CNNM2: variants seen among roughly 807,000 people sequenced by gnomAD.
CNNM2 encodes the protein metal transporter CNNM2.
Under a neutral mutation model 66.9 loss-of-function variants are expected in CNNM2, and 12 were observed. The ratio of observed to expected loss-of-function variants is 0.18; its 90% CI spans 0.11 to 0.29. The LOEUF (loss-of-function observed/expected upper bound fraction) is 0.29, where lower values mean the gene tolerates loss of function less well. CNNM2 is among the 10% of genes least tolerant of loss of function. The probability of loss-of-function intolerance (pLI) is 1.00; values close to 1 mark genes in which losing one functional copy is unlikely to be tolerated. For synonymous variants in CNNM2, 557 were observed against 501.8 expected (o/e 1.11, Z -1.47); for missense variants, 705 against 1,167.7 (o/e 0.60, Z 5.77).
rs2066323251 is a variant in CNNM2 at position 103,090,073 on chromosome 10, G to C, written c.*12893G>C. 3.9e-6 allele frequency: 2 copies of C among 510,948 alleles called. No homozygotes were observed. Among genetic ancestry groups the C allele is most frequent in the Non-Finnish European group, 6.7e-6 (2 of 298,966 alleles). 31.7% of individuals were successfully genotyped at this position (510,948 alleles called of 1,614,324 possible). ...TTCATAGAACTACTTATAGTTGCCT[G>C]TCTTCCTCTCTCCCTGCCCCTCAAA... On this transcript the variant is annotated 3_prime_UTR_variant, in exon 8 of 8. Transcript: ENST00000369878.
At chr10:103,036,581 A>G (rs1486108334) in intron 1 of CNNM2, among the ~76,000 whole-genome samples, 1 of 152,154 alleles carries the variant, frequency 6.6e-6, no homozygotes, top group African/African-American at 2.4e-5. Context: ...CGTTTATCAA[A>G]TCGAGGTGGG....
chr10:103,042,131 G>C (rs1314233562), intron 1 of CNNM2, among the ~76,000 whole-genome samples: 1 of 152,052 alleles, frequency 6.6e-6, no homozygotes, highest in Admixed American at 6.5e-5. Flanking sequence ...TCCTCTCATT[G>C]CTCAGGCCAA....
At chr10:103,021,891 A>G (rs1349060308) in intron 1 of CNNM2, among the ~76,000 whole-genome samples, 1 of 152,206 alleles carries the variant, frequency 6.6e-6, no homozygotes, top group Non-Finnish European at 1.5e-5. Context: ...ATATGTGTGT[A>G]TGTATATGTA....
chr10:102,974,019 A>G lies in CNNM2; in HGVS notation c.1621+53918A>G, dbSNP rs548252421. 3.9e-5 allele frequency among the ~76,000 whole-genome samples: 6 copies of G among 152,306 alleles called. 1 individual carries two copies. The South Asian group carries it at 1.0e-3, about 26-fold the overall frequency. The stretch of plus-strand genomic sequence containing the variant: ...AGATAACTATTGACAAAGAACAGGG[A>G]AGTTTTTTTGGAACTCTGGGGTTTT... On this transcript the variant is annotated intron_variant, in intron 1 of 7. Coordinates refer to ENST00000369878, the MANE Select transcript of CNNM2 (RefSeq NM_017649.5).
chr10:103,051,948 C>T (rs755213174), intron 2 of CNNM2, among the ~76,000 whole-genome samples: 2 of 152,028 alleles, frequency 1.3e-5, no homozygotes, highest in East Asian at 1.9e-4. Context: ...TGTACGTTTA[C>T]GTTCTTTTCA....
chr10:102,952,264 A>T (rs184106896), intron 1 of CNNM2, among the ~76,000 whole-genome samples: 28 of 152,074 alleles, frequency 1.8e-4, no homozygotes, highest in Admixed American at 7.2e-4. Context: ...ATAATATTTT[A>T]AAAATGTTAA....
At chr10:103,059,118 C>T (rs955340362) in intron 4 of CNNM2, among the ~76,000 whole-genome samples, 2 of 152,124 alleles carry the variant, frequency 1.3e-5, no homozygotes, top group Admixed American at 6.5e-5. Context: ...GGACTACAGG[C>T]GTGCTCCACC....
rs796820724 is a variant in CNNM2 at position 103,080,574 on chromosome 10, G to C, written c.*3394G>C. ...GCAGGGAGTTCAATGCCATGTTGAA[G>C]TGGTTGGCATCCCCAAGTGGGAGGG... is the stretch of plus-strand genomic sequence containing the variant. On this transcript the variant is annotated 3_prime_UTR_variant, in exon 8 of 8. Transcript: ENST00000369878. 1 of 152,114 alleles carries C rather than the reference G, an allele frequency of 6.6e-6. No individual in the cohort carries two copies. The highest frequency in any genetic ancestry group is 2.1e-4 in the South Asian group (1 of 4,826). 9.4% of individuals were successfully genotyped at this position (152,114 alleles called of 1,614,324 possible).
At chr10:103,057,001 G>A in intron 4 of CNNM2, 37 bp downstream of exon 4, 1 of 1,582,318 alleles carries the variant, frequency 6.3e-7, no homozygotes, top group Admixed American at 1.8e-5. Context: ...TGCTCTCACT[G>A]AGTATCCATC....
At chr10:102,929,716 A>G (rs2134164910) in intron 1 of CNNM2, among the ~76,000 whole-genome samples, 1 of 152,336 alleles carries the variant, frequency 6.6e-6, no homozygotes, top group South Asian at 2.1e-4. Flanking sequence ...ATCCGTTGAT[A>G]GACATTTAGA....
At chr10:103,022,855 G>GT (rs1469167912) in intron 1 of CNNM2, among the ~76,000 whole-genome samples, 2 of 152,198 alleles carry the variant, frequency 1.3e-5, no homozygotes, top group African/African-American at 4.8e-5. Flanking sequence ...GGGAGCAGAT[G>GT]TATCACATGG....
rs561197479 is a variant in CNNM2, at chr10:103,062,996, G to T, written c.2074-5633G>T. On this transcript the variant is annotated intron_variant, in intron 4 of 7. Coordinates refer to ENST00000369878, the MANE Select transcript of CNNM2 (RefSeq NM_017649.5). ...ATGCTGCGTTACCAGCAAGCTCCCAGTTGACAGTAGCAAGGCTTAGCTGTG... is the reference window on the plus strand; with the variant it reads ...ATGCTGCGTTACCAGCAAGCTCCCATTTGACAGTAGCAAGGCTTAGCTGTG... Among the ~76,000 whole-genome samples the T allele has an allele frequency of 2.0e-5, 3 of 152,330 alleles. No homozygotes were observed. The South Asian group carries it at 6.2e-4, about 32-fold the overall frequency.
Position 102,918,842 on chromosome 10 carries a change from C to G in CNNM2, c.362C>G (p.Thr121Ser). The change falls in exon 1 of 8, where the codon ACC becomes AGC. Residue 121 changes from threonine (T) to serine (S), a missense_variant. This residue lies in a region of CNNM2 where 15 missense variants were observed against 58.1 expected (regional missense o/e 0.26). Coordinates refer to ENST00000369878, the MANE Select transcript of CNNM2 (RefSeq NM_017649.5). This position sits in a 1 kb window ranked among gnomAD's most constrained non-coding sequence, Gnocchi z 4.1. ...NNETWSRIAFTEHERRRHSPG... is the reference protein window; with the variant it reads ...NNETWSRIAFSEHERRRHSPG... ...GAGACGTGGTCCCGCATCGCCTTCA[C>G]CGAGCACGAGCGGCGGCGCCACAGC... The G allele has an allele frequency of 1.3e-6, 2 of 1,587,942 alleles. No homozygotes were observed. The highest frequency in any genetic ancestry group is 1.1e-5 in the South Asian group (1 of 88,082).
intron 1 of CNNM2, among the ~76,000 whole-genome samples, chr10:102,984,662 C>T (rs2063768516): frequency 6.6e-6 from 1 of 152,036 alleles, no homozygotes. Flanking sequence ...CTTGTCCTTA[C>T]TTCTATCTTA....
Position 103,082,294 on chromosome 10 carries a change from T to C in CNNM2, c.*5114T>C, listed in dbSNP as rs2065764354. On this transcript the variant is annotated 3_prime_UTR_variant, in exon 8 of 8. Transcript: ENST00000369878. ...TTGGGGGCCAGATTTGGCTGCAGAT[T>C]CACCCTGAAGAGAACTATCCAATGG... 6.6e-6 allele frequency: 1 copy of C among 152,238 alleles called. No individual in the cohort carries two copies. The highest frequency in any genetic ancestry group is 2.4e-5 in the African/African-American group (1 of 41,448). 9.4% of individuals were successfully genotyped at this position (152,238 alleles called of 1,614,324 possible).
At position 103,077,416 on chromosome 10, in the gene CNNM2, C is replaced by A. The variant is rs2065709770; in HGVS notation, c.*236C>A. On this transcript the variant is annotated 3_prime_UTR_variant, in exon 8 of 8. Transcript: ENST00000369878. ...TGGCGTTCAAGATTTTGGAGATGAA[C>A]TGATTCCGCCCAAATAGAATCATGT... The A allele has an allele frequency of 1.8e-5, 9 of 499,726 alleles. No homozygotes were observed. In the South Asian group the frequency reaches 3.3e-4, roughly 18 times the overall value. The allele number at this position is 499,726 out of a possible 1,614,324, so 31.0% of individuals were successfully genotyped here.
chr10:103,009,212 T>C (rs892179400), intron 1 of CNNM2, among the ~76,000 whole-genome samples: 1 of 151,422 alleles, frequency 6.6e-6, no homozygotes, highest in Non-Finnish European at 1.5e-5. Flanking sequence ...GAGGCGGAGG[T>C]TGTGCTGGGC....
rs2065791629 is a variant in CNNM2 at position 103,085,095 on chromosome 10, GGATTACT to G, written c.*7918_*7924del. 2 of 152,236 alleles carry G rather than the reference GGATTACT, an allele frequency of 1.3e-5. No individual in the cohort carries two copies. The highest frequency in any genetic ancestry group is 1.3e-4 in the Admixed American group (2 of 15,292). The allele number at this position is 152,236 out of a possible 1,614,324, so 9.4% of individuals were successfully genotyped here. A position where few individuals can be genotyped will look rare whatever the true frequency, so the allele number is the denominator to read the frequency against. On this transcript the variant is annotated 3_prime_UTR_variant, in exon 8 of 8. Transcript: ENST00000369878. ...CTGCTGGCATGCCATCTCCCCTAGTGGATTACTGAGGACTGAGGATGCACGTTTCTAA... is the reference window on the plus strand; with the variant it reads ...CTGCTGGCATGCCATCTCCCCTAGTGGAGGACTGAGGATGCACGTTTCTAA...
chr10:103,069,555 T>C (rs1318463691), intron 5 of CNNM2, among the ~76,000 whole-genome samples: 1 of 152,212 alleles, frequency 6.6e-6, no homozygotes, highest in East Asian at 1.9e-4. Flanking sequence ...GGCTCTTGTC[T>C]GGAGAGCTGG....
Sources: allele counts gnomAD v4.1 joint callset (sites outside exome capture counted in the v4.1 genomes callset), GRCh38; gene constraint gnomAD v4.1.1; regional missense constraint gnomAD v4.1.1; non-coding constraint Gnocchi (gnomAD v3.1); transcripts MANE v1.5; gene names NCBI Gene and HGNC (gene_info 2026-07-23, HGNC 2026-07-21).